UBE4B: variants seen among roughly 807,000 people sequenced by gnomAD.
The protein encoded by UBE4B is ubiquitination factor E4B, also known as ubiquitin conjugation factor E4 B.
UBE4B carries 27 observed loss-of-function variants against 148.1 expected under a neutral mutation model. The ratio of observed to expected loss-of-function variants is 0.18; its 90% CI spans 0.13 to 0.25. UBE4B has a LOEUF of 0.25. Among genes scored for constraint, UBE4B ranks in the 10% least tolerant of loss-of-function variants. UBE4B has a pLI of 1.00. For synonymous variants in UBE4B, 596 were observed against 619.3 expected (o/e 0.96, Z 0.56); for missense variants, 1,170 against 1,662.4 (o/e 0.70, Z 5.15).
Position 10,180,286 on chromosome 1 carries a change from C to T in UBE4B, c.*330C>T, listed in dbSNP as rs1396280600. 3 of 274,584 alleles carry T rather than the reference C, an allele frequency of 1.1e-5. No homozygotes were observed. The highest frequency in any genetic ancestry group is 6.6e-5 in the African/African-American group (3 of 45,360). The allele number at this position is 274,584 out of a possible 1,614,324, so 17.0% of individuals were successfully genotyped here. ...GATGGCTAATGGGTCTGGGCAGCAT[C>T]CCTTCATGAATTTTTTTTTAATCCA... is the stretch of plus-strand genomic sequence containing the variant. On this transcript the variant is annotated 3_prime_UTR_variant, in exon 28 of 28. Transcript: ENST00000343090.
chr1:10,157,173 C>T (rs1646087067), intron 21 of UBE4B, among the ~76,000 whole-genome samples: 1 of 152,136 alleles, frequency 6.6e-6, no homozygotes, highest in Non-Finnish European at 1.5e-5. Context: ...CACCACCATG[C>T]CCTGCTAGTT....
At chr1:10,088,762 C>G (rs1644801362) in intron 2 of UBE4B, among the ~76,000 whole-genome samples, 1 of 151,078 alleles carries the variant, frequency 6.6e-6, no homozygotes. Context: ...TCACTGCAAG[C>G]TTGACCTCTG....
At chr1:10,085,764 T>G (rs889024526) in intron 2 of UBE4B, among the ~76,000 whole-genome samples, 3 of 151,898 alleles carry the variant, frequency 2.0e-5, no homozygotes, top group African/African-American at 7.3e-5. Flanking sequence ...ATTCAGAAAA[T>G]ATCCTCAAAG....
At chr1:10,102,623 C>G (rs1448243506) in intron 4 of UBE4B, among the ~76,000 whole-genome samples, 6 of 151,726 alleles carry the variant, frequency 4.0e-5, no homozygotes, top group Non-Finnish European at 7.4e-5. Context: ...GTTGGCCAGG[C>G]TGGTCTTGAG....
At position 10,134,049 on chromosome 1, in the gene UBE4B, C is replaced by CAAA. The variant is rs367557718; in HGVS notation, c.2026-929_2026-927dup. Among the ~76,000 whole-genome samples, 298 of 135,990 alleles carry CAAA rather than the reference C, an allele frequency of 2.2e-3. 1 individual carries two copies. The highest frequency in any genetic ancestry group is 7.4e-3 in the African/African-American group (275 of 37,354). The allele number at this position is 135,990 out of a possible 152,430, so 89.2% of individuals were successfully genotyped here. A position where few individuals can be genotyped will look rare whatever the true frequency, so the allele number is the denominator to read the frequency against. ...TGGGCAACAGAGTAAAACCCTGTCT[C>CAAA]AAAAAAAAAAAAGAAAGAAAGAAAG... On this transcript the variant is annotated intron_variant, in intron 15 of 27. Transcript: ENST00000343090.
At chr1:10,057,477 C>T (rs1244449216) in intron 1 of UBE4B, among the ~76,000 whole-genome samples, 4 of 138,102 alleles carry the variant, frequency 2.9e-5, no homozygotes, top group Admixed American at 7.8e-5. Flanking sequence ...AGTGCAGTGG[C>T]GTGATCATGA....
intron 17 of UBE4B, among the ~76,000 whole-genome samples, chr1:10,142,032 C>A (rs1645790560): frequency 6.8e-6 from 1 of 146,754 alleles, no homozygotes; most frequent in Non-Finnish European, 1.5e-5. Context: ...AATTTAAAAT[C>A]TGAAGCCTGT....
At chr1:10,175,620 C>T (rs951829037) in intron 25 of UBE4B, among the ~76,000 whole-genome samples, 2 of 151,958 alleles carry the variant, frequency 1.3e-5, no homozygotes, top group Non-Finnish European at 2.9e-5. Context: ...CACTGCACTC[C>T]AGCCTGGGCG....
chr1:10,143,063 G>A (rs1458967458), intron 17 of UBE4B, among the ~76,000 whole-genome samples: 4 of 152,122 alleles, frequency 2.6e-5, no homozygotes, highest in South Asian at 2.1e-4. Context: ...AGCTGAGATC[G>A]TGCCACTGCA....
rs766368360 is a variant in UBE4B, at chr1:10,158,425, T to C, written c.2996T>C (p.Ile999Thr). The change falls in exon 22 of 28, where the codon ATT becomes ACT. Residue 999 changes from isoleucine (I) to threonine (T), a missense_variant. Around this residue, in one of 6 missense-constraint regions of UBE4B, gnomAD observed 348 missense variants for 627.2 expected, o/e 0.55. Transcript: ENST00000343090. ...KFTIRYHIST[I>T]FKSLWQNIAH... ...ACAATTCGCTATCATATTAGCACCA[T>C]TTTTAAAAGCCTTTGGCAAAACATA... 1 of 1,614,166 alleles carries C rather than the reference T, an allele frequency of 6.2e-7. No homozygotes were observed. The highest frequency in any genetic ancestry group is 8.5e-7 in the Non-Finnish European group (1 of 1,180,018).
chr1:10,065,492 G>T (rs1188892145), intron 1 of UBE4B, among the ~76,000 whole-genome samples: 1 of 152,184 alleles, frequency 6.6e-6, no homozygotes, highest in East Asian at 1.9e-4. Context: ...ATTTCCCCAC[G>T]CTGCAGGGGT....
At chr1:10,059,601 C>T (rs925485109) in intron 1 of UBE4B, 12 of 204,478 alleles carry the variant, frequency 5.9e-5, no homozygotes, top group Non-Finnish European at 9.4e-5. Context: ...TCCCAGGAGA[C>T]GAAGAGGCTG....
intron 7 of UBE4B, among the ~76,000 whole-genome samples, chr1:10,113,108 C>T (rs1645248438): frequency 6.6e-6 from 1 of 152,150 alleles, no homozygotes; most frequent in Non-Finnish European, 1.5e-5. Context: ...AGAAGCATGA[C>T]ACCAGCATCT....
chr1:10,148,497 T>G (rs1240521817), intron 19 of UBE4B, among the ~76,000 whole-genome samples: 1 of 149,162 alleles, frequency 6.7e-6, no homozygotes, highest in African/African-American at 2.5e-5. Flanking sequence ...CCAGGTGTGG[T>G]GGTGGGCGCC....
chr1:10,053,209 C>T (rs1214453461), intron 1 of UBE4B, among the ~76,000 whole-genome samples: 3 of 151,882 alleles, frequency 2.0e-5, no homozygotes, highest in Admixed American at 6.6e-5. Flanking sequence ...AGTGCAGTGG[C>T]GCGATCTCGG....
At chr1:10,089,872 T>G (rs1225706677) in intron 2 of UBE4B, among the ~76,000 whole-genome samples, 1 of 151,878 alleles carries the variant, frequency 6.6e-6, no homozygotes, top group Non-Finnish European at 1.5e-5. Context: ...GCTAATTTTT[T>G]TTTGTATTTT....
intron 8 of UBE4B, among the ~76,000 whole-genome samples, chr1:10,117,952 C>T (rs1645341407): frequency 6.6e-6 from 1 of 152,166 alleles, no homozygotes; most frequent in Non-Finnish European, 1.5e-5. Flanking sequence ...CTGTAGATTG[C>T]CAAGGACTGT....
At chr1:10,094,177 G>A (rs1406673397) in intron 2 of UBE4B, among the ~76,000 whole-genome samples, 1 of 152,162 alleles carries the variant, frequency 6.6e-6, no homozygotes, top group Non-Finnish European at 1.5e-5. Context: ...GGAAATTGCT[G>A]TGAGAAATCA....
intron 26 of UBE4B, 171 bp downstream of exon 26, chr1:10,178,989 A>T: frequency 1.5e-6 from 1 of 689,104 alleles, no homozygotes; most frequent in South Asian, 3.1e-5. Context: ...TTGTAAATTG[A>T]GAGGAAGAAA....
Sources: allele counts gnomAD v4.1 joint callset (sites outside exome capture counted in the v4.1 genomes callset), GRCh38; gene constraint gnomAD v4.1.1; regional missense constraint gnomAD v4.1.1; transcripts MANE v1.5; gene names NCBI Gene and HGNC (gene_info 2026-07-23, HGNC 2026-07-21).